The following ZSWIM5 variants were observed in gnomAD, a reference collection of about 807,000 sequenced individuals.
ZSWIM5 encodes zinc finger SWIM domain-containing protein 5.
A neutral mutation model predicts 119.6 loss-of-function variants in ZSWIM5; 55 were observed. The observed-to-expected ratio is 0.46, with a 90% CI of 0.37 to 0.58. ZSWIM5 has a LOEUF of 0.58. Among genes scored for constraint, ZSWIM5 ranks in the 20% least tolerant of loss-of-function variants. The pLI is 0.00. For missense variants in ZSWIM5, 1,193 were observed against 1,512.8 expected, an observed-to-expected ratio of 0.79 and a Z score of 3.51; for synonymous variants, 537 against 606.9, an observed-to-expected ratio of 0.88 and a Z score of 1.69.
intron 1 of ZSWIM5, among the ~76,000 whole-genome samples, chr1:45,191,336 C>T (rs1458596354): frequency 3.3e-5 from 5 of 152,280 alleles, no homozygotes; most frequent in African/African-American, 1.2e-4. Flanking sequence ...TGAGACAGCC[C>T]GTGAATCAGC....
chr1:45,129,954 G>C (rs1226832), intron 1 of ZSWIM5, among the ~76,000 whole-genome samples: 17,290 of 151,928 alleles, frequency 0.11, 1,250 homozygotes, highest in Admixed American at 0.23. Context: ...CTGCAGTGCA[G>C]CAGTGTGATC....
At chr1:45,055,598 G>T (rs533352290) in intron 4 of ZSWIM5, among the ~76,000 whole-genome samples, 1 of 152,312 alleles carries the variant, frequency 6.6e-6, no homozygotes, top group East Asian at 1.9e-4. Flanking sequence ...GGAAAGATCA[G>T]GGCTAGAGAC....
chr1:45,058,759 C>A lies in ZSWIM5; in HGVS notation c.1102G>T (p.Val368Phe). The change falls in exon 4 of 14, where the codon GTT (valine) becomes TTT (phenylalanine). Residue 368 changes from valine to phenylalanine, a missense_variant and splice_region_variant. Physicochemically the swap from Val to Phe is conservative, Grantham distance 50. Coordinates refer to ENST00000359600, the MANE Select transcript of ZSWIM5 (RefSeq NM_020883.2). The part of the protein sequence containing the change: ...GKQLNSMFAK[V>F]REMLRMRDSN... ...TCTCTCATCCGCAGCATTTCTCGAA[C>A]CTGACACATAAGAAGTGGCAAGGGA... 1 of 1,613,894 alleles carries A rather than the reference C, an allele frequency of 6.2e-7. No homozygotes were observed. Among genetic ancestry groups the A allele is most frequent in the Non-Finnish European group, 8.5e-7 (1 of 1,180,000 alleles).
intron 1 of ZSWIM5, among the ~76,000 whole-genome samples, chr1:45,176,599 G>C (rs1032346973): frequency 1.3e-5 from 2 of 152,028 alleles, no homozygotes; most frequent in Non-Finnish European, 2.9e-5. Context: ...CTGATAGTGA[G>C]AAATTTGGCT....
Position 45,060,147 on chromosome 1 carries a change from C to T in ZSWIM5, c.1053G>A (p.Gln351=), listed in dbSNP as rs767710337. ...GCTTTCCAGAGCCACAGTAACCGCC[C>T]TGGGAGAGAAAAAGCTTCACTTGTT... The part of the protein sequence containing the change: ...VKEQVKLFLS[Q]GGYCGSGKQL... Residue 351 remains glutamine (Q), a synonymous_variant, in exon 3 of 14, where the codon CAG becomes CAA. Transcript: ENST00000359600. The T allele has an allele frequency of 6.2e-7, 1 of 1,614,204 alleles. No individual in the cohort carries two copies. The highest frequency in any genetic ancestry group is 1.7e-5 in the Admixed American group (1 of 60,022).
At chr1:45,161,189 C>T (rs562924056) in intron 1 of ZSWIM5, among the ~76,000 whole-genome samples, 3 of 152,098 alleles carry the variant, frequency 2.0e-5, no homozygotes, top group South Asian at 4.1e-4. Flanking sequence ...CATATTTTTG[C>T]TATTGTAAAT....
At chr1:45,081,615 C>T (rs1022658204) in intron 2 of ZSWIM5, among the ~76,000 whole-genome samples, 2 of 152,366 alleles carry the variant, frequency 1.3e-5, no homozygotes, top group Admixed American at 1.3e-4. Context: ...ACTCAGTGCT[C>T]AATGGCACCC....
intron 1 of ZSWIM5, among the ~76,000 whole-genome samples, chr1:45,106,527 G>C (rs1225487426): frequency 6.9e-6 from 1 of 144,794 alleles, no homozygotes. Context: ...GCCTCTGCCC[G>C]GCCGCCCATC....
chr1:45,188,332 A>C (rs1646071100), intron 1 of ZSWIM5, among the ~76,000 whole-genome samples: 1 of 152,234 alleles, frequency 6.6e-6, no homozygotes, highest in African/African-American at 2.4e-5. Context: ...TAAGTGAAAG[A>C]AGCCAGTCAC....
intron 5 of ZSWIM5, among the ~76,000 whole-genome samples, chr1:45,046,926 AG>A (rs1477916419): frequency 1.3e-5 from 2 of 149,354 alleles, no homozygotes; most frequent in East Asian, 4.0e-4. Flanking sequence ...CGGGAGGCTG[AG>A]GCAGGAGAAT....
intron 1 of ZSWIM5, among the ~76,000 whole-genome samples, chr1:45,126,704 A>G (rs1254413879): frequency 6.6e-6 from 1 of 152,100 alleles, no homozygotes; most frequent in Non-Finnish European, 1.5e-5. Context: ...GGAGTTCAAC[A>G]CCTACCTGGA....
intron 2 of ZSWIM5, among the ~76,000 whole-genome samples, chr1:45,064,770 A>C (rs924973919): frequency 6.6e-6 from 1 of 152,218 alleles, no homozygotes. Context: ...TCCTAATTTT[A>C]AAATGAAGAA....
intron 1 of ZSWIM5, among the ~76,000 whole-genome samples, chr1:45,205,406 ATCCTC>A (rs776433622): frequency 6.6e-6 from 1 of 152,134 alleles, no homozygotes; most frequent in South Asian, 2.1e-4. Flanking sequence ...TTTACTAACA[ATCCTC>A]TCCTCTCCAA....
chr1:45,018,667 G>A lies in ZSWIM5; in HGVS notation c.3345C>T (p.Thr1115=), dbSNP rs1644869653. Residue 1115 remains threonine, a synonymous_variant, in exon 14 of 14, where the codon ACC becomes ACT. Transcript: ENST00000359600. This position sits in a 1 kb window ranked among gnomAD's most constrained non-coding sequence, Gnocchi z 6.7. ...KAPLRQLLDA[T]INAYINTTHS... ...GTGTAGTGTTGATATAGGCATTGAT[G>A]GTGGCATCCAGCAACTGGCGCAATG... 1.2e-6 allele frequency: 2 copies of A among 1,614,126 alleles called. No individual in the cohort carries two copies. The highest frequency in any genetic ancestry group is 2.7e-5 in the African/African-American group (2 of 74,942).
Position 45,034,431 on chromosome 1 carries a change from G to A in ZSWIM5, c.2330C>T (p.Thr777Ile), listed in dbSNP as rs1359426107. 1.9e-6 allele frequency: 3 copies of A among 1,612,654 alleles called. No homozygotes were observed. Among genetic ancestry groups the A allele is most frequent in the Non-Finnish European group, 2.5e-6 (3 of 1,179,372 alleles). The change falls in exon 11 of 14, where the codon ACA (threonine) becomes ATA (isoleucine). Residue 777 changes from threonine to isoleucine, a missense_variant. Thr to Ile is a moderately conservative substitution (Grantham distance 89). This residue lies in a region of ZSWIM5 where 961 missense variants were observed against 1,290.0 expected (regional missense o/e 0.74). Transcript: ENST00000359600. ...AGACACCATATGGTGAGGGTGGGAT[G>A]TGTCGCCTGCAGAAGCTGAGTTTTC... ...VLENSASAGD[T>I]SHPHHMVSVV...
At chr1:45,067,300 A>T (rs1645189219) in intron 2 of ZSWIM5, among the ~76,000 whole-genome samples, 1 of 151,918 alleles carries the variant, frequency 6.6e-6, no homozygotes, top group Non-Finnish European at 1.5e-5. Flanking sequence ...TTAGCCAAGC[A>T]TGGTGACATG....
At chr1:45,153,319 C>T (rs1037368862) in intron 1 of ZSWIM5, among the ~76,000 whole-genome samples, 13 of 151,610 alleles carry the variant, frequency 8.6e-5, no homozygotes, top group African/African-American at 1.2e-4. Flanking sequence ...GTCAGAAGTT[C>T]GAGACCAGCC....
At chr1:45,164,105 G>A (rs573049493) in intron 1 of ZSWIM5, among the ~76,000 whole-genome samples, 1 of 152,230 alleles carries the variant, frequency 6.6e-6, no homozygotes, top group Non-Finnish European at 1.5e-5. Flanking sequence ...AAGCCCATCA[G>A]ACTAACAGTG....
chr1:45,120,168 AC>A (rs1645582648), intron 1 of ZSWIM5, among the ~76,000 whole-genome samples: 2 of 152,136 alleles, frequency 1.3e-5, no homozygotes, highest in African/African-American at 4.8e-5. Context: ...ACATGGTGAA[AC>A]CCCATCTCTA....
Sources: gnomAD v4.1 joint callset for allele counts (sites outside exome capture counted in the v4.1 genomes callset) on GRCh38, gnomAD v4.1.1 for gene constraint, gnomAD v4.1.1 regional missense constraint, Gnocchi (gnomAD v3.1) non-coding constraint, MANE v1.5 for transcripts, NCBI Gene and HGNC (gene_info 2026-07-23, HGNC 2026-07-21) for gene names.